Variants in FSTL5 observed in about 807,000 individuals in gnomAD.
The protein encoded by FSTL5 is follistatin-related protein 5.
Under a neutral mutation model 89.1 loss-of-function variants are expected in FSTL5, and 62 were observed. That is an observed-to-expected ratio of 0.70 (90% CI 0.57 to 0.86). FSTL5 has a LOEUF of 0.86. FSTL5 is among the 40% of genes least tolerant of loss of function. FSTL5 has a pLI of 0.00. For synonymous variants in FSTL5, 383 were observed against 346.2 expected, an observed-to-expected ratio of 1.11 and a Z score of -1.18; for missense variants, 1,057 against 1,001.6, an observed-to-expected ratio of 1.06 and a Z score of -0.75.
chr4:161,593,741 A>G (rs1431734931), intron 7 of FSTL5, among the ~76,000 whole-genome samples: 2 of 152,086 alleles, frequency 1.3e-5, no homozygotes, highest in African/African-American at 4.8e-5. Context: ...TCCCAGAGGA[A>G]ATTGTCATGG....
intron 8 of FSTL5, among the ~76,000 whole-genome samples, chr4:161,578,603 A>G (rs1357468899): frequency 6.6e-6 from 1 of 152,120 alleles, no homozygotes; most frequent in Non-Finnish European, 1.5e-5. Context: ...TATATATCCC[A>G]AAGTCCAAGT....
intron 6 of FSTL5, among the ~76,000 whole-genome samples, chr4:161,747,827 G>A (rs4691024): frequency 0.067 from 10,252 of 152,124 alleles, 593 homozygotes; most frequent in African/African-American, 0.16. Flanking sequence ...TTGTTTCTAT[G>A]TTTGTTGATG....
At chr4:161,884,027 T>C (rs1732720087) in intron 4 of FSTL5, among the ~76,000 whole-genome samples, 1 of 146,954 alleles carries the variant, frequency 6.8e-6, no homozygotes, top group Non-Finnish European at 1.5e-5. Flanking sequence ...GAATTTATGA[T>C]TTTTAAATCT....
intron 2 of FSTL5, among the ~76,000 whole-genome samples, chr4:162,067,375 G>A (rs1738954998): frequency 6.6e-6 from 1 of 151,676 alleles, no homozygotes; most frequent in Non-Finnish European, 1.5e-5. Flanking sequence ...TCTTATTGTT[G>A]AGTTTTAAAA....
intron 5 of FSTL5, among the ~76,000 whole-genome samples, chr4:161,770,583 A>C (rs1741172703): frequency 6.6e-6 from 1 of 151,984 alleles, no homozygotes; most frequent in Admixed American, 6.6e-5. Flanking sequence ...TTTAAATTGT[A>C]AAATATAACT....
intron 15 of FSTL5, among the ~76,000 whole-genome samples, chr4:161,438,334 T>A (rs1413069103): frequency 6.6e-6 from 1 of 151,908 alleles, no homozygotes; most frequent in Non-Finnish European, 1.5e-5. Flanking sequence ...TTACTATTTT[T>A]TTTTCTTTTA....
chr4:162,010,574 C>T (rs1335785926), intron 3 of FSTL5, among the ~76,000 whole-genome samples: 2 of 152,180 alleles, frequency 1.3e-5, no homozygotes, highest in African/African-American at 4.8e-5. Context: ...ACTCTACACC[C>T]ATTAGCAGTC....
At chr4:162,138,193 A>C (rs1732590671) in intron 1 of FSTL5, among the ~76,000 whole-genome samples, 1 of 152,272 alleles carries the variant, frequency 6.6e-6, no homozygotes, top group South Asian at 2.1e-4. Context: ...CAATGTACTA[A>C]GTAATATGTG....
At chr4:161,568,983 C>A (rs1732912195) in intron 8 of FSTL5, among the ~76,000 whole-genome samples, 1 of 152,102 alleles carries the variant, frequency 6.6e-6, no homozygotes, top group Non-Finnish European at 1.5e-5. Flanking sequence ...GTAGCAAGTA[C>A]CCCAGTTCTG....
chr4:161,560,437 T>A (rs980213685), intron 8 of FSTL5, among the ~76,000 whole-genome samples: 1 of 151,952 alleles, frequency 6.6e-6, no homozygotes, highest in Non-Finnish European at 1.5e-5. Flanking sequence ...TAAATTTTCC[T>A]TAGCTTACTG....
intron 5 of FSTL5, among the ~76,000 whole-genome samples, chr4:161,771,587 A>G (rs1323040717): frequency 1.3e-5 from 2 of 151,858 alleles, no homozygotes; most frequent in South Asian, 2.1e-4. Flanking sequence ...TAGGGCCACT[A>G]CTCCTTTGCT....
In FSTL5 at chr4:161,873,663, T is replaced by C. The variant is rs189462332; in HGVS notation, c.409+46741A>G. On this transcript the variant is annotated intron_variant, in intron 4 of 15. Transcript: ENST00000306100. ...CTACTTATTTTAAACAAGAGAACTT[T>C]AAAACATTTCCTATATTTTGAAGCA... Among the ~76,000 whole-genome samples, 46 of 150,168 alleles carry C rather than the reference T, an allele frequency of 3.1e-4. No individual in the cohort carries two copies. In the East Asian group the frequency reaches 8.3e-3, roughly 27 times the overall value.
At chr4:162,141,366 C>T (rs1202100346) in intron 1 of FSTL5, among the ~76,000 whole-genome samples, 1 of 88,368 alleles carries the variant, frequency 1.1e-5, no homozygotes, top group African/African-American at 3.8e-5. Context: ...CCGCCCGTCT[C>T]GGCCTCCCAA....
chr4:161,772,904 A>G (rs1490199625), intron 5 of FSTL5, among the ~76,000 whole-genome samples: 1 of 152,164 alleles, frequency 6.6e-6, no homozygotes, highest in Non-Finnish European at 1.5e-5. Context: ...GCTAAGCAAA[A>G]AGAACAAATC....
chr4:161,558,288 T>TA (rs1246211473), intron 8 of FSTL5, among the ~76,000 whole-genome samples: 3 of 151,826 alleles, frequency 2.0e-5, no homozygotes, highest in African/African-American at 7.2e-5. Flanking sequence ...AGGGTGTCAC[T>TA]AGGGCTTTTG....
At chr4:161,591,317 G>A (rs1000618943) in intron 7 of FSTL5, among the ~76,000 whole-genome samples, 3 of 152,190 alleles carry the variant, frequency 2.0e-5, no homozygotes, top group Non-Finnish European at 4.4e-5. Flanking sequence ...GAATGGGGGA[G>A]TGGGAAATAA....
intron 6 of FSTL5, among the ~76,000 whole-genome samples, chr4:161,664,059 G>A (rs2126690363): frequency 6.6e-6 from 1 of 152,322 alleles, no homozygotes; most frequent in East Asian, 1.9e-4. Flanking sequence ...TCAAAGCACA[G>A]AGTCCCAGGG....
intron 15 of FSTL5, among the ~76,000 whole-genome samples, chr4:161,447,097 A>G (rs1732970194): frequency 2.6e-5 from 4 of 152,100 alleles, no homozygotes; most frequent in Admixed American, 2.6e-4. Context: ...CTGAGAGAAG[A>G]AGCAAGAGCT....
intron 4 of FSTL5, among the ~76,000 whole-genome samples, chr4:161,826,139 A>T (rs952503334): frequency 1.3e-5 from 2 of 152,186 alleles, no homozygotes; most frequent in African/African-American, 4.8e-5. Flanking sequence ...TTATTGACAC[A>T]ACTATAATTC....
Sources: allele counts gnomAD v4.1 joint callset (sites outside exome capture counted in the v4.1 genomes callset), GRCh38; gene constraint gnomAD v4.1.1; transcripts MANE v1.5; gene names NCBI Gene and HGNC (gene_info 2026-07-23, HGNC 2026-07-21).